The following TENM4 variants were observed in gnomAD, a reference collection of about 807,000 sequenced individuals.
TENM4 encodes teneurin-4.
Under a neutral mutation model 243.3 loss-of-function variants are expected in TENM4, and 82 were observed. The ratio of observed to expected loss-of-function variants is 0.34; its 90% CI spans 0.28 to 0.40. The LOEUF is 0.40. Among genes scored for constraint, TENM4 ranks in the 10% least tolerant of loss-of-function variants. The probability of loss-of-function intolerance (pLI) is 1.00; values close to 1 mark genes in which losing one functional copy is unlikely to be tolerated. For synonymous variants in TENM4, 1,412 were observed against 1,456.3 expected (o/e 0.97, Z 0.69); for missense variants, 3,138 against 3,673.3 (o/e 0.85, Z 3.77).
At chr11:79,321,286 A>G (rs990718418) in intron 1 of TENM4, among the ~76,000 whole-genome samples, 1 of 152,210 alleles carries the variant, frequency 6.6e-6, no homozygotes, top group African/African-American at 2.4e-5. Context: ...TGCTGCCTTC[A>G]GACTCAACAC....
At chr11:79,224,516 A>G (rs1864224726) in intron 2 of TENM4, among the ~76,000 whole-genome samples, 1 of 152,184 alleles carries the variant, frequency 6.6e-6, no homozygotes, top group Admixed American at 6.5e-5. Context: ...TGTATCCTCA[A>G]AAAAGAAAAT....
chr11:78,834,866 G>A (rs893490119), intron 12 of TENM4, among the ~76,000 whole-genome samples: 3 of 152,132 alleles, frequency 2.0e-5, no homozygotes, highest in Non-Finnish European at 2.9e-5. Flanking sequence ...GAATCCACCC[G>A]TTTCCAGCTC....
rs1859372903 is a variant in TENM4 at position 79,440,189 on chromosome 11, C to A, written c.-321+320G>T. On this transcript the variant is annotated intron_variant, in intron 1 of 33. Transcript: ENST00000278550. The surrounding 1 kb of genome is among the most constrained non-coding windows in gnomAD (Gnocchi z 4.7). ...ACGGGATCCGGGAGAGGCAGACGAA[C>A]CTGGGGCGCGCCGCCTCCCTCCCAC... is the stretch of plus-strand genomic sequence containing the variant. Among the ~76,000 whole-genome samples, 1 of 152,070 alleles carries A rather than the reference C, an allele frequency of 6.6e-6. No homozygotes were observed. The highest frequency in any genetic ancestry group is 6.5e-5 in the Admixed American group (1 of 15,282).
chr11:79,299,153 C>T (rs899235229), intron 1 of TENM4, among the ~76,000 whole-genome samples: 6 of 152,264 alleles, frequency 3.9e-5, no homozygotes, highest in Non-Finnish European at 5.9e-5. Flanking sequence ...TGAAAGCGCT[C>T]ATCCATGTAC....
chr11:79,060,232 G>A (rs1860052576), intron 6 of TENM4, among the ~76,000 whole-genome samples: 1 of 152,254 alleles, frequency 6.6e-6, no homozygotes, highest in Admixed American at 6.5e-5. Context: ...GGCAGGGGAG[G>A]AGAGGCCTGA....
At chr11:78,882,475 C>T (rs1320278339) in intron 9 of TENM4, among the ~76,000 whole-genome samples, 1 of 152,146 alleles carries the variant, frequency 6.6e-6, no homozygotes, top group Non-Finnish European at 1.5e-5. Flanking sequence ...TTGTGCCAGG[C>T]TTTGTGCTAG....
At chr11:78,891,013 C>G (rs1855652264) in intron 8 of TENM4, among the ~76,000 whole-genome samples, 1 of 152,146 alleles carries the variant, frequency 6.6e-6, no homozygotes, top group Admixed American at 6.5e-5. Context: ...CAACGGCAGC[C>G]AATGAGATGC....
At chr11:78,984,897 T>C (rs965320336) in intron 6 of TENM4, among the ~76,000 whole-genome samples, 1 of 152,210 alleles carries the variant, frequency 6.6e-6, no homozygotes, top group Admixed American at 6.5e-5. Flanking sequence ...ACGCAGCTAG[T>C]GGCTACCGTA....
intron 6 of TENM4, among the ~76,000 whole-genome samples, chr11:78,955,686 T>G (rs1857196479): frequency 6.6e-6 from 1 of 152,212 alleles, no homozygotes; most frequent in Admixed American, 6.5e-5. Context: ...TCTCCCAGGA[T>G]GTTCAGTTAC....
Position 78,708,549 on chromosome 11 carries a change from A to T in TENM4, c.4055-34T>A, listed in dbSNP as rs201195461. On this transcript the variant is annotated intron_variant, in intron 26 of 33. Coordinates refer to ENST00000278550, the MANE Select transcript of TENM4 (RefSeq NM_001098816.3). ...AGAGAAGCCAAAACAGGAACTCAGC[A>T]TCAGAGATGACAATGACCCGCACAT... 3.7e-6 allele frequency: 6 copies of T among 1,607,746 alleles called. No homozygotes were observed. In the African/African-American group the frequency reaches 8.0e-5, roughly 21 times the overall value.
rs150273117 is a variant in TENM4, at chr11:79,408,454, G to A, written c.-321+32055C>T. Among the ~76,000 whole-genome samples, 125 of 152,284 alleles carry A rather than the reference G, an allele frequency of 8.2e-4. 1 individual carries two copies. Among genetic ancestry groups the A allele is most frequent in the African/African-American group, 2.8e-3 (117 of 41,558 alleles). On this transcript the variant is annotated intron_variant, in intron 1 of 33. Transcript: ENST00000278550. ...TTTGCTTTATGTGCAAGTCACAGAGGCAGAGCTACTTATCTAAAAAAGAGA... is the reference window on the plus strand; with the variant it reads ...TTTGCTTTATGTGCAAGTCACAGAGACAGAGCTACTTATCTAAAAAAGAGA...
chr11:78,820,637 T>C (rs201288702), intron 12 of TENM4, among the ~76,000 whole-genome samples: 1 of 152,162 alleles, frequency 6.6e-6, no homozygotes, highest in South Asian at 2.1e-4. Flanking sequence ...ACAATCTGAC[T>C]TGGTCAAATG....
intron 6 of TENM4, among the ~76,000 whole-genome samples, chr11:79,037,106 G>A (rs1273476381): frequency 6.6e-6 from 1 of 152,062 alleles, no homozygotes; most frequent in Non-Finnish European, 1.5e-5. Context: ...GTGAGGATGA[G>A]GGCAGGTAGG....
At chr11:79,197,574 C>T (rs1039942730) in intron 3 of TENM4, among the ~76,000 whole-genome samples, 1 of 152,228 alleles carries the variant, frequency 6.6e-6, no homozygotes, top group Admixed American at 6.5e-5. Context: ...CAACAGCAAA[C>T]TTCCCACCTA....
chr11:79,057,893 C>T (rs1232022841), intron 6 of TENM4, among the ~76,000 whole-genome samples: 3 of 152,198 alleles, frequency 2.0e-5, no homozygotes, highest in African/African-American at 7.2e-5. Context: ...TCCCCTCTTA[C>T]CCCTCTTTGC....
In TENM4 at chr11:78,792,580, A is replaced by G. The variant is rs536823378; in HGVS notation, c.2180-5497T>C. On this transcript the variant is annotated intron_variant, in intron 15 of 33. Transcript: ENST00000278550. ...TGCACTGTCCTCTCTCTAGATTGGAAGCCCACCTGATGGGAAGATCAATGT... is the reference window on the plus strand; with the variant it reads ...TGCACTGTCCTCTCTCTAGATTGGAGGCCCACCTGATGGGAAGATCAATGT... Among the ~76,000 whole-genome samples, 64 of 152,244 alleles carry G rather than the reference A, an allele frequency of 4.2e-4. 1 individual carries two copies. The highest frequency in any genetic ancestry group is 1.5e-3 in the African/African-American group (63 of 41,536).
chr11:79,197,668 C>A (rs1216767697), intron 3 of TENM4, among the ~76,000 whole-genome samples: 2 of 152,184 alleles, frequency 1.3e-5, no homozygotes, highest in Non-Finnish European at 2.9e-5. Flanking sequence ...GGGCCAATAG[C>A]TTTCCCCAAG....
chr11:79,439,999 T>C (rs1859365454), intron 1 of TENM4, among the ~76,000 whole-genome samples: 1 of 151,596 alleles, frequency 6.6e-6, no homozygotes, highest in South Asian at 2.1e-4. Context: ...GGATCTGAGC[T>C]CCAACCACCG....
At chr11:78,883,023 C>T (rs1270100717) in intron 9 of TENM4, among the ~76,000 whole-genome samples, 1 of 152,196 alleles carries the variant, frequency 6.6e-6, no homozygotes, top group Non-Finnish European at 1.5e-5. Flanking sequence ...TGAGACTCCA[C>T]CCTTTATATC....
Sources: gnomAD v4.1 joint callset for allele counts (sites outside exome capture counted in the v4.1 genomes callset) on GRCh38, gnomAD v4.1.1 for gene constraint, Gnocchi (gnomAD v3.1) non-coding constraint, MANE v1.5 for transcripts, NCBI Gene and HGNC (gene_info 2026-07-23, HGNC 2026-07-21) for gene names.